NSD3: variants seen among roughly 807,000 people sequenced by gnomAD.
NSD3 encodes nuclear receptor binding SET domain protein 3, also known as histone-lysine N-methyltransferase NSD3.
In NSD3, 24 loss-of-function variants were observed where a neutral mutation model predicts 160.8. The ratio of observed to expected loss-of-function variants is 0.15; its 90% CI spans 0.11 to 0.21. The LOEUF (loss-of-function observed/expected upper bound fraction) is 0.21. Ranked by LOEUF, NSD3 falls within the 10% of genes least tolerant of loss-of-function variation. The pLI, the probability that NSD3 is intolerant of heterozygous loss-of-function variation, is 1.00. For missense variants in NSD3, 1,157 were observed against 1,735.9 expected (o/e 0.67, Z 5.93); for synonymous variants, 520 against 600.0 (o/e 0.87, Z 1.95).
chr8:38,367,425 C>T (rs1278123495), intron 1 of NSD3, among the ~76,000 whole-genome samples: 1 of 152,040 alleles, frequency 6.6e-6, no homozygotes, highest in East Asian at 1.9e-4. Flanking sequence ...AAAATACTAA[C>T]TTTTGGCCAG....
chr8:38,318,134 G>T lies in NSD3; in HGVS notation c.1855+761C>A. On this transcript the variant is annotated intron_variant, in intron 9 of 23. Coordinates refer to ENST00000317025, the MANE Select transcript of NSD3 (RefSeq NM_023034.2). The surrounding 1 kb of genome is among the most constrained non-coding windows in gnomAD (Gnocchi z 5.3). ...AGCTCCGCCAAGCAGTGTTCCCTCC[G>T]AGAGGCTGTTCAGTTCTGCTGAGGA... The T allele has an allele frequency of 6.9e-7, 1 of 1,451,694 alleles. No individual in the cohort carries two copies. Among genetic ancestry groups the T allele is most frequent in the Non-Finnish European group, 9.4e-7 (1 of 1,060,022 alleles). 89.9% of individuals were successfully genotyped at this position (1,451,694 alleles called of 1,614,324 possible).
chr8:38,327,827 G>T (rs768108575), intron 6 of NSD3, among the ~76,000 whole-genome samples: 2 of 152,178 alleles, frequency 1.3e-5, no homozygotes, highest in Non-Finnish European at 2.9e-5. Flanking sequence ...CAGAAAGAAG[G>T]CAGGTATAAT....
At chr8:38,327,672 A>C (rs1307605796) in intron 6 of NSD3, among the ~76,000 whole-genome samples, 1 of 152,214 alleles carries the variant, frequency 6.6e-6, no homozygotes, top group Non-Finnish European at 1.5e-5. Context: ...ATATCACAGT[A>C]AGAGAACTCT....
In NSD3 at chr8:38,319,001, G is replaced by T; in HGVS notation, c.1810-61C>A. Reference sequence around the variant, plus strand: ...TTTTTTTCCCTTTTAATTATTAACAGAGGGAAAAGATACTTTCATCAATCT... The same window carrying T: ...TTTTTTTCCCTTTTAATTATTAACATAGGGAAAAGATACTTTCATCAATCT... On this transcript the variant is annotated intron_variant, in intron 8 of 23. Transcript: ENST00000317025. This position sits in a 1 kb window ranked among gnomAD's most constrained non-coding sequence, Gnocchi z 4.1. The T allele has an allele frequency of 7.2e-7, 1 of 1,392,842 alleles. No individual in the cohort carries two copies. Among genetic ancestry groups the T allele is most frequent in the Non-Finnish European group, 1.0e-6 (1 of 999,042 alleles). The allele number at this position is 1,392,842 out of a possible 1,614,324, so 86.3% of individuals were successfully genotyped here. A position where few individuals can be genotyped will look rare whatever the true frequency, so the allele number is the denominator to read the frequency against.
chr8:38,308,395 T>C (rs977909743), intron 12 of NSD3, among the ~76,000 whole-genome samples: 1 of 152,094 alleles, frequency 6.6e-6, no homozygotes, highest in African/African-American at 2.4e-5. Context: ...ACCATGTATA[T>C]AGATATGAAG....
Position 38,316,742 on chromosome 8 carries a change from G to A in NSD3, c.1856-700C>T. On this transcript the variant is annotated intron_variant, in intron 9 of 23. Coordinates refer to ENST00000317025, the MANE Select transcript of NSD3 (RefSeq NM_023034.2). The surrounding 1 kb of genome is among the most constrained non-coding windows in gnomAD (Gnocchi z 4.5). Reference sequence around the variant, plus strand: ...CAAATCACGTAGAGCTGGATGGGAAGGCCTCTATGTGGAATTTGTGCGGGA... The same window carrying A: ...CAAATCACGTAGAGCTGGATGGGAAAGCCTCTATGTGGAATTTGTGCGGGA... 4 of 1,057,896 alleles carry A rather than the reference G, an allele frequency of 3.8e-6. No individual in the cohort carries two copies. The highest frequency in any genetic ancestry group is 4.6e-6 in the Non-Finnish European group (4 of 874,576). 65.5% of individuals were successfully genotyped at this position (1,057,896 alleles called of 1,614,324 possible).
intron 6 of NSD3, among the ~76,000 whole-genome samples, chr8:38,327,563 G>GTAGA (rs1809947346): frequency 1.3e-5 from 2 of 152,122 alleles, no homozygotes; most frequent in Non-Finnish European, 2.9e-5. Context: ...ATCACGTGAG[G>GTAGA]TAGAGTATTT....
intron 15 of NSD3, among the ~76,000 whole-genome samples, chr8:38,297,106 TC>T (rs1809168835): frequency 6.6e-6 from 1 of 152,208 alleles, no homozygotes; most frequent in Non-Finnish European, 1.5e-5. Flanking sequence ...TACATAAGTC[TC>T]TTCTGACTTC....
At chr8:38,348,248 T>G in intron 1 of NSD3, 33 bp from the exon 2 acceptor site, 1 of 1,474,598 alleles carries the variant, frequency 6.8e-7, no homozygotes, top group Non-Finnish European at 9.0e-7. Context: ...TAGAAGGTGT[T>G]ACTATTCTCA....
intron 12 of NSD3, among the ~76,000 whole-genome samples, chr8:38,306,626 C>T (rs1284467256): frequency 2.9e-4 from 44 of 151,966 alleles, no homozygotes; most frequent in Non-Finnish European, 2.9e-5. Context: ...ACGCACACAA[C>T]ATATATAAGC....
At chr8:38,327,796 G>C (rs1237409707) in intron 6 of NSD3, among the ~76,000 whole-genome samples, 3 of 152,144 alleles carry the variant, frequency 2.0e-5, no homozygotes, top group Non-Finnish European at 4.4e-5. Flanking sequence ...ACCAAAATGT[G>C]ACCCAATAAG....
Position 38,321,062 on chromosome 8 carries a change from G to A in NSD3, c.1809+10C>T. The A allele has an allele frequency of 8.1e-6, 13 of 1,611,536 alleles. No homozygotes were observed. Among genetic ancestry groups the A allele is most frequent in the Non-Finnish European group, 1.0e-5 (12 of 1,178,856 alleles). On this transcript the variant is annotated intron_variant, in intron 8 of 23. Transcript: ENST00000317025. The surrounding 1 kb of genome is among the most constrained non-coding windows in gnomAD (Gnocchi z 4.7). ...ACAATGTTTTAACTCTCTACATGTA[G>A]GAAGCCAACCTGCTCCTTTTTGATC...
chr8:38,367,227 TA>T (rs1250703379), intron 1 of NSD3, among the ~76,000 whole-genome samples: 15 of 152,148 alleles, frequency 9.9e-5, no homozygotes, highest in African/African-American at 3.6e-4. Context: ...CTTAGCTGCA[TA>T]AATTCCGAGG....
chr8:38,315,899 T>G lies in NSD3; in HGVS notation c.1986+13A>C. ...AGAAAGAACACTTTGTCCAGACCCT[T>G]GCACATATTTACCTGCAGGTCACTC... is the stretch of plus-strand genomic sequence containing the variant. On this transcript the variant is annotated intron_variant, in intron 10 of 23. Coordinates refer to ENST00000317025, the MANE Select transcript of NSD3 (RefSeq NM_023034.2). The G allele has an allele frequency of 6.2e-7, 1 of 1,613,438 alleles. No homozygotes were observed. The highest frequency in any genetic ancestry group is 1.3e-5 in the African/African-American group (1 of 75,032).
At chr8:38,326,138 ACT>A (rs753994598) in intron 7 of NSD3, among the ~76,000 whole-genome samples, 98 of 151,292 alleles carry the variant, frequency 6.5e-4, no homozygotes, top group Non-Finnish European at 1.3e-3. Context: ...GCAGAGTGAG[ACT>A]CTGTCTCAAA....
chr8:38,294,269 T>C (rs1206181036), intron 16 of NSD3, among the ~76,000 whole-genome samples: 2 of 152,102 alleles, frequency 1.3e-5, no homozygotes, highest in Non-Finnish European at 2.9e-5. Context: ...CTAATTTGTA[T>C]ATATTTTGTA....
chr8:38,374,853 A>C (rs1026503092), intron 1 of NSD3, among the ~76,000 whole-genome samples: 1 of 151,928 alleles, frequency 6.6e-6, no homozygotes, highest in African/African-American at 2.4e-5. Flanking sequence ...AAATACAAAA[A>C]ATTAGCCGGG....
intron 14 of NSD3, 119 bp from the exon 15 acceptor site, chr8:38,299,709 G>T: frequency 2.0e-6 from 2 of 1,008,570 alleles, no homozygotes; most frequent in Non-Finnish European, 2.6e-6. Flanking sequence ...GGGCGAAAAT[G>T]AGAATATGAA....
At chr8:38,327,421 C>T (rs1809943707) in intron 6 of NSD3, among the ~76,000 whole-genome samples, 1 of 152,084 alleles carries the variant, frequency 6.6e-6, no homozygotes, top group South Asian at 2.1e-4. Context: ...GTGGTGTGAT[C>T]TTGGCTCACT....
Sources: gnomAD v4.1 joint callset for allele counts (sites outside exome capture counted in the v4.1 genomes callset) on GRCh38, gnomAD v4.1.1 for gene constraint, Gnocchi (gnomAD v3.1) non-coding constraint, MANE v1.5 for transcripts, NCBI Gene and HGNC (gene_info 2026-07-23, HGNC 2026-07-21) for gene names.